VAMP1: variants seen among roughly 807,000 people sequenced by gnomAD.
VAMP1 encodes the protein vesicle associated membrane protein 1.
Under a neutral mutation model 19.1 loss-of-function variants are expected in VAMP1, and 16 were observed. That is an observed-to-expected ratio of 0.84 (90% CI 0.57 to 1.27). The LOEUF is 1.27. Ranked by LOEUF, VAMP1 falls within the 50% of genes most tolerant of loss-of-function variation. The pLI, the probability that VAMP1 is intolerant of heterozygous loss-of-function variation, is 0.00. For synonymous variants in VAMP1, 37 were observed against 50.2 expected, an observed-to-expected ratio of 0.74 and a Z score of 1.11; for missense variants, 109 against 145.4, an observed-to-expected ratio of 0.75 and a Z score of 1.29.
intron 1 of VAMP1, among the ~76,000 whole-genome samples, chr12:6,469,912 C>T (rs1430323807): frequency 1.3e-5 from 2 of 152,144 alleles, no homozygotes; most frequent in Non-Finnish European, 2.9e-5. Flanking sequence ...TACGAATGGC[C>T]TTGGTATGAA....
intron 1 of VAMP1, among the ~76,000 whole-genome samples, chr12:6,470,186 T>A (rs1280547517): frequency 2.0e-5 from 3 of 151,914 alleles, no homozygotes; most frequent in Non-Finnish European, 4.4e-5. Context: ...ACCTTTCGAG[T>A]CCCCTGCCCA....
Position 6,466,188 on chromosome 12 carries a change from G to T in VAMP1, c.129+37C>A, listed in dbSNP as rs1395623593. On this transcript the variant is annotated intron_variant, in intron 2 of 4. Transcript: ENST00000396308. ...GTTCCCTTTTGTTTCCAAACTCCTA[G>T]ATTTGGAAACTTTCAGAGAAACAGC... is the stretch of plus-strand genomic sequence containing the variant. The T allele has an allele frequency of 1.9e-6, 3 of 1,613,816 alleles. No individual in the cohort carries two copies. In the African/African-American group the frequency reaches 4.0e-5, roughly 22 times the overall value.
intron 3 of VAMP1, 99 bp from the exon 4 acceptor site, chr12:6,465,040 A>G: frequency 3.2e-6 from 5 of 1,560,056 alleles, no homozygotes; most frequent in Non-Finnish European, 3.5e-6. Context: ...TCCTTGGGAC[A>G]ATGGAAAAAA....
At chr12:6,464,601 C>CA in intron 4 of VAMP1, 115 bp from the exon 5 acceptor site, 1 of 1,458,818 alleles carries the variant, frequency 6.9e-7, no homozygotes, top group South Asian at 1.5e-5. Flanking sequence ...TTAAGTGCCC[C>CA]ATCCCCATGG....
In VAMP1 at chr12:6,470,588, C is replaced by T. The variant is rs1406247534; in HGVS notation, c.-57G>A. ...TCTCCGGAGGCTGCGGCGAGACACCCGGTGAGGGACGCTGCGGCTGAAGTG... is the reference window on the plus strand; with the variant it reads ...TCTCCGGAGGCTGCGGCGAGACACCTGGTGAGGGACGCTGCGGCTGAAGTG... On this transcript the variant is annotated 5_prime_UTR_variant, in exon 1 of 5. Coordinates refer to ENST00000396308, the MANE Select transcript of VAMP1 (RefSeq NM_014231.5). The T allele has an allele frequency of 1.9e-6, 3 of 1,609,904 alleles. No individual in the cohort carries two copies. Among genetic ancestry groups the T allele is most frequent in the Non-Finnish European group, 1.7e-6 (2 of 1,177,030 alleles).
chr12:6,468,319 T>C (rs989247614), intron 1 of VAMP1, among the ~76,000 whole-genome samples: 1 of 152,192 alleles, frequency 6.6e-6, no homozygotes, highest in Non-Finnish European at 1.5e-5. Flanking sequence ...CAGTTATTGG[T>C]TATGCTTCAC....
chr12:6,469,619 A>T (rs1945717025), intron 1 of VAMP1, among the ~76,000 whole-genome samples: 1 of 152,218 alleles, frequency 6.6e-6, no homozygotes, highest in South Asian at 2.1e-4. Flanking sequence ...AACACAAGTA[A>T]ATCTTTCCCT....
chr12:6,469,775 G>A (rs1366022770), intron 1 of VAMP1, among the ~76,000 whole-genome samples: 1 of 152,198 alleles, frequency 6.6e-6, no homozygotes, highest in South Asian at 2.1e-4. Flanking sequence ...AAGATCATGC[G>A]AAGGGGGTGA....
chr12:6,466,516 C>G, intron 1 of VAMP1, 165 bp from the exon 2 acceptor site: 1 of 621,172 alleles, frequency 1.6e-6, no homozygotes, highest in Non-Finnish European at 2.6e-6. Context: ...GACCCCATCT[C>G]TAAAAAAACA....
In VAMP1 at chr12:6,464,433, G is replaced by A. The variant is rs1592145807; in HGVS notation, c.*37C>T. On this transcript the variant is annotated 3_prime_UTR_variant, in exon 5 of 5. Transcript: ENST00000396308. The stretch of plus-strand genomic sequence containing the variant: ...AACAGAGGGCAGAGGACATGAATGT[G>A]GATGGCAATGGACAACAGGGAAGGG... 2 of 1,564,894 alleles carry A rather than the reference G, an allele frequency of 1.3e-6. No individual in the cohort carries two copies. Among genetic ancestry groups the A allele is most frequent in the South Asian group, 1.2e-5 (1 of 84,836 alleles).
At chr12:6,465,430 ATG>A (rs1949994420) in intron 3 of VAMP1, 1 of 122,014 alleles carries the variant, frequency 8.2e-6, no homozygotes, top group Non-Finnish European at 1.5e-5. Context: ...ATATATATAA[ATG>A]TATATATATG....
At position 6,466,409 on chromosome 12, in the gene VAMP1, G is replaced by C; in HGVS notation, c.3-58C>G. 10 of 1,564,378 alleles carry C rather than the reference G, an allele frequency of 6.4e-6. No individual in the cohort carries two copies. In the South Asian group the frequency reaches 1.2e-4, roughly 18 times the overall value. On this transcript the variant is annotated intron_variant, in intron 1 of 4. Coordinates refer to ENST00000396308, the MANE Select transcript of VAMP1 (RefSeq NM_014231.5). Reference sequence around the variant, plus strand: ...GACCAAGACAAGAAAGGAGCTGGGCGTGGTAGCACACACCTGTAGTCCCAG... The same window carrying C: ...GACCAAGACAAGAAAGGAGCTGGGCCTGGTAGCACACACCTGTAGTCCCAG...
rs10849461 is a variant in VAMP1, at chr12:6,465,373, A to T, written c.289-432T>A. The T allele has an allele frequency of 1.2e-4, 13 of 104,508 alleles. 1 individual carries two copies. Among genetic ancestry groups the T allele is most frequent in the Admixed American group, 4.2e-4 (4 of 9,482 alleles). The allele number at this position is 104,508 out of a possible 1,614,324, so 6.5% of individuals were successfully genotyped here. A position where few individuals can be genotyped will look rare whatever the true frequency, so the allele number is the denominator to read the frequency against. The stretch of plus-strand genomic sequence containing the variant: ...AAAGAAAAAAGTATATATATATATA[A>T]ATGTATATATATGTATATATATATA... On this transcript the variant is annotated intron_variant, in intron 3 of 4. Transcript: ENST00000396308.
intron 4 of VAMP1, 195 bp downstream of exon 4, chr12:6,464,695 A>G: frequency 1.3e-6 from 2 of 1,499,664 alleles, no homozygotes; most frequent in Admixed American, 2.5e-5. Flanking sequence ...AATGCGTTGC[A>G]GGGGGAAGGC....
At position 6,465,910 on chromosome 12, in the gene VAMP1, C is replaced by A. The variant is rs1950011605; in HGVS notation, c.220G>T (p.Ala74Ser). The A allele has an allele frequency of 1.2e-6, 2 of 1,614,144 alleles. No individual in the cohort carries two copies. The highest frequency in any genetic ancestry group is 1.3e-5 in the African/African-American group (1 of 74,952). Residue 74 changes from alanine (A) to serine (S), a missense_variant, in exon 3 of 5, where the codon GCA becomes TCA. Physicochemically the swap from Ala to Ser is moderately conservative, Grantham distance 99 (BLOSUM62 1). Coordinates refer to ENST00000396308, the MANE Select transcript of VAMP1 (RefSeq NM_014231.5). ...ELDDRADALQ[A>S]GASQFESSAA... ...CTGCTCTCAAATTGTGATGCTCCTG[C>A]CTGCAAGGCATCAGCTCGGTCATCC...
chr12:6,465,386 GTATATATATATATAAA>G (rs1565526080), intron 3 of VAMP1: 1 of 59,502 alleles, frequency 1.7e-5, no homozygotes, highest in African/African-American at 6.0e-5. Flanking sequence ...GTATATATAT[GTATATATATATATAAA>G]TGTATATATA....
chr12:6,462,743 C>A lies in VAMP1; in HGVS notation c.*1727G>T, dbSNP rs1949910927. 1 of 1,377,754 alleles carries A rather than the reference C, an allele frequency of 7.3e-7. No individual in the cohort carries two copies. Among genetic ancestry groups the A allele is most frequent in the Middle Eastern group, 2.0e-4 (1 of 5,016 alleles). 85.3% of individuals were successfully genotyped at this position (1,377,754 alleles called of 1,614,324 possible). ...TGGTGGTTCTTCTCCAGCGGTGACC[C>A]CCTGCATTAGGCAAGGAGGAGCCCA... On this transcript the variant is annotated 3_prime_UTR_variant, in exon 5 of 5. Transcript: ENST00000396308.
At chr12:6,465,465 T>TAG (rs751399568) in intron 3 of VAMP1, 8 of 122,624 alleles carry the variant, frequency 6.5e-5, no homozygotes, top group African/African-American at 3.2e-4. Context: ...TGTGTATATA[T>TAG]AGTGTGTGTG....
rs546288083 is a variant in VAMP1 at position 6,470,065 on chromosome 12, G to A, written c.2+465C>T. 2.6e-4 allele frequency among the ~76,000 whole-genome samples: 40 copies of A among 152,290 alleles called. 1 individual carries two copies. Among genetic ancestry groups the A allele is most frequent in the Admixed American group, 2.0e-4 (3 of 15,290 alleles). ...GGGCTAGACATCACACTTTGGGTGA[G>A]GGGTAAACAAATCCAGAGATTGTAG... On this transcript the variant is annotated intron_variant, in intron 1 of 4. Coordinates refer to ENST00000396308, the MANE Select transcript of VAMP1 (RefSeq NM_014231.5).
Sources: allele counts gnomAD v4.1 joint callset (sites outside exome capture counted in the v4.1 genomes callset), GRCh38; gene constraint gnomAD v4.1.1; transcripts MANE v1.5; gene names NCBI Gene and HGNC (gene_info 2026-07-23, HGNC 2026-07-21).